The following PRKN variants were observed in gnomAD, a reference collection of about 807,000 sequenced individuals.
PRKN encodes the protein E3 ubiquitin-protein ligase parkin.
PRKN carries 56 observed loss-of-function variants against 59.5 expected under a neutral mutation model. The ratio of observed to expected loss-of-function variants is 0.94; its 90% confidence interval spans 0.76 to 1.18. The LOEUF is 1.18. Ranked by LOEUF, PRKN falls within the 50% of genes most tolerant of loss-of-function variation. The probability of loss-of-function intolerance (pLI) is 0.00; values close to 1 mark genes in which losing one functional copy is unlikely to be tolerated. For missense variants in PRKN, 657 were observed against 596.4 expected, an observed-to-expected ratio of 1.10 and a Z score of -1.06; for synonymous variants, 250 against 222.1, an observed-to-expected ratio of 1.13 and a Z score of -1.12.
At chr6:162,678,452 C>T (rs1779636775) in intron 1 of PRKN, among the ~76,000 whole-genome samples, 1 of 152,150 alleles carries the variant, frequency 6.6e-6, no homozygotes, top group South Asian at 2.1e-4. Context: ...ACTCTGTATC[C>T]TCACCCGTAC....
chr6:161,377,001 G>A lies in PRKN; in HGVS notation c.1167+9793C>T, dbSNP rs1785735325. Reference sequence around the variant, plus strand: ...AAGAAAGTGCTGGAAGCTCTGAGTGGGGCCCCGAGGAGCAAAGGGCAGGGT... The same window carrying A: ...AAGAAAGTGCTGGAAGCTCTGAGTGAGGCCCCGAGGAGCAAAGGGCAGGGT... On this transcript the variant is annotated intron_variant, in intron 10 of 11. Coordinates refer to ENST00000366898, the MANE Select transcript of PRKN (RefSeq NM_004562.3). The surrounding 1 kb of genome is among the most constrained non-coding windows in gnomAD (Gnocchi z 4.2). Among the ~76,000 whole-genome samples, 1 of 152,224 alleles carries A rather than the reference G, an allele frequency of 6.6e-6. No homozygotes were observed.
At chr6:161,432,935 C>T (rs984825271) in intron 9 of PRKN, among the ~76,000 whole-genome samples, 6 of 152,004 alleles carry the variant, frequency 3.9e-5, no homozygotes, top group Admixed American at 6.6e-5. Flanking sequence ...AATAGTTATT[C>T]GTAAGATCCT....
At chr6:162,145,282 A>C (rs970532664) in intron 4 of PRKN, among the ~76,000 whole-genome samples, 1 of 152,218 alleles carries the variant, frequency 6.6e-6, no homozygotes, top group African/African-American at 2.4e-5. Context: ...ACCAGTGTTC[A>C]AACAGATAAA....
intron 1 of PRKN, among the ~76,000 whole-genome samples, chr6:162,579,534 TAC>T (rs200664224): frequency 0.021 from 3,193 of 151,812 alleles, 107 homozygotes; most frequent in African/African-American, 0.071. Context: ...CAGATTCTCA[TAC>T]ACACTTTCAC....
intron 2 of PRKN, among the ~76,000 whole-genome samples, chr6:162,337,937 C>A (rs977925106): frequency 3.3e-5 from 5 of 152,050 alleles, no homozygotes; most frequent in African/African-American, 4.8e-5. Context: ...ATTAATGTTA[C>A]ATAATACACA....
chr6:161,994,847 T>C (rs1781780867), intron 5 of PRKN, among the ~76,000 whole-genome samples: 1 of 152,046 alleles, frequency 6.6e-6, no homozygotes, highest in Admixed American at 6.5e-5. Context: ...CCCTGCTCAT[T>C]GACCGAATTA....
chr6:162,373,133 C>T (rs1785861185), intron 2 of PRKN, among the ~76,000 whole-genome samples: 1 of 144,198 alleles, frequency 6.9e-6, no homozygotes, highest in Admixed American at 6.9e-5. Context: ...ATAACTGGAA[C>T]AGAATATTTG....
intron 7 of PRKN, among the ~76,000 whole-genome samples, chr6:161,749,156 GGTCTACCCCA>G (rs1045839394): frequency 1.3e-5 from 2 of 152,136 alleles, no homozygotes; most frequent in Non-Finnish European, 2.9e-5. Context: ...ACCCCCTCCG[GGTCTACCCCA>G]GTTAGCAATG....
At chr6:161,842,867 G>T (rs886792472) in intron 6 of PRKN, among the ~76,000 whole-genome samples, 2 of 152,128 alleles carry the variant, frequency 1.3e-5, no homozygotes, top group African/African-American at 4.8e-5. Flanking sequence ...TCTTTATTCT[G>T]CCTGAGGATG....
Position 162,710,128 on chromosome 6 carries a change from T to A in PRKN, c.7+17534A>T, listed in dbSNP as rs1778475980. ...AGTGTCTCAATAATAATGACCTTTT[T>A]ACCTGATATAGGTCTTTGTGCGGAC... On this transcript the variant is annotated intron_variant, in intron 1 of 11. Coordinates refer to ENST00000366898, the MANE Select transcript of PRKN (RefSeq NM_004562.3). 2.0e-5 allele frequency among the ~76,000 whole-genome samples: 3 copies of A among 152,262 alleles called. No individual in the cohort carries two copies. The South Asian group carries it at 6.2e-4, about 32-fold the overall frequency.
At chr6:162,564,373 A>G (rs1779974987) in intron 1 of PRKN, among the ~76,000 whole-genome samples, 1 of 151,672 alleles carries the variant, frequency 6.6e-6, no homozygotes, top group Non-Finnish European at 1.5e-5. Context: ...CAAAAAAAAC[A>G]GTAATTGGCC....
intron 4 of PRKN, among the ~76,000 whole-genome samples, chr6:162,112,709 C>T (rs141217751): frequency 0.012 from 1,794 of 151,828 alleles, 40 homozygotes; most frequent in African/African-American, 0.041. Flanking sequence ...TGAGCTAAGA[C>T]AGGAGGATCA....
chr6:161,685,128 T>C (rs917467374), intron 7 of PRKN, among the ~76,000 whole-genome samples: 5 of 152,258 alleles, frequency 3.3e-5, no homozygotes, highest in African/African-American at 1.2e-4. Flanking sequence ...TTTTAAATTT[T>C]TTAATTCTTT....
intron 1 of PRKN, among the ~76,000 whole-genome samples, chr6:162,535,330 T>G (rs919162175): frequency 3.3e-5 from 5 of 152,108 alleles, no homozygotes; most frequent in Non-Finnish European, 5.9e-5. Flanking sequence ...TTCAGATAAC[T>G]TTTAGAGTCC....
chr6:161,553,840 A>G (rs1780131072), intron 8 of PRKN, among the ~76,000 whole-genome samples: 1 of 152,206 alleles, frequency 6.6e-6, no homozygotes, highest in South Asian at 2.1e-4. Context: ...TCCTATCAAG[A>G]TGAGTTTCCA....
intron 1 of PRKN, among the ~76,000 whole-genome samples, chr6:162,461,742 C>T (rs1791188284): frequency 6.6e-6 from 1 of 151,158 alleles, no homozygotes; most frequent in Non-Finnish European, 1.5e-5. Context: ...AGGAGAATCG[C>T]TTGAACTTGG....
chr6:162,191,462 A>T (rs1784274003), intron 4 of PRKN, among the ~76,000 whole-genome samples: 1 of 152,142 alleles, frequency 6.6e-6, no homozygotes, highest in African/African-American at 2.4e-5. Context: ...TTTATTTTTG[A>T]GACGGAGCCT....
chr6:162,702,227 A>C (rs1332163974), intron 1 of PRKN, among the ~76,000 whole-genome samples: 1 of 152,122 alleles, frequency 6.6e-6, no homozygotes, highest in Non-Finnish European at 1.5e-5. Context: ...GTTGAAATCA[A>C]TGTTTTCAGA....
intron 7 of PRKN, among the ~76,000 whole-genome samples, chr6:161,762,717 A>T (rs1789252789): frequency 6.6e-6 from 1 of 152,218 alleles, no homozygotes; most frequent in Admixed American, 6.5e-5. Context: ...CCTAAGGAAA[A>T]GGAATAAAAT....
Sources: gnomAD v4.1 joint callset for allele counts (sites outside exome capture counted in the v4.1 genomes callset) on GRCh38, gnomAD v4.1.1 for gene constraint, Gnocchi (gnomAD v3.1) non-coding constraint, MANE v1.5 for transcripts, NCBI Gene and HGNC (gene_info 2026-07-23, HGNC 2026-07-21) for gene names.